PTCSC3: variants seen among roughly 807,000 people sequenced by gnomAD.
PTCSC3 encodes papillary thyroid carcinoma susceptibility candidate 3, also known as papillary thyroid carcinoma susceptibility candidate 3 (non-protein coding).
intron 3 of PTCSC3, among the ~76,000 whole-genome samples, chr14:36,147,939 C>A (rs7151660): frequency 9.1e-4 from 138 of 152,172 alleles, no homozygotes; most frequent in Admixed American, 2.7e-3. Flanking sequence ...TGTCAGTGTG[C>A]CCCTGCTCGG....
At chr14:36,167,391 C>T (rs1882110108) in intron 1 of PTCSC3, among the ~76,000 whole-genome samples, 1 of 152,124 alleles carries the variant, frequency 6.6e-6, no homozygotes, top group Non-Finnish European at 1.5e-5. Flanking sequence ...TTATAAACAG[C>T]TTATTCTAAC....
rs112393452 is a variant in PTCSC3, at chr14:36,174,930, C to T, written n.171+1368G>A. 2.3e-3 allele frequency among the ~76,000 whole-genome samples: 353 copies of T among 152,314 alleles called. 3 individuals carry two copies. The highest frequency in any genetic ancestry group is 8.0e-3 in the African/African-American group (331 of 41,562). On this transcript the variant is annotated intron_variant and non_coding_transcript_variant, in intron 1 of 3. Transcript: ENST00000556013. ...CTCTGACATCTCTGCCACTGCTTTT[C>T]CCCAAGCACTGCTCAACCTCTAGAA...
intron 3 of PTCSC3, among the ~76,000 whole-genome samples, chr14:36,152,108 A>G (rs911317023): frequency 1.5e-4 from 23 of 152,158 alleles, no homozygotes; most frequent in African/African-American, 9.7e-5. Flanking sequence ...AGTGGAAATC[A>G]TAAGTCTTCT....
chr14:36,172,303 C>A (rs1236332242), intron 1 of PTCSC3, among the ~76,000 whole-genome samples: 2 of 151,956 alleles, frequency 1.3e-5, no homozygotes, highest in African/African-American at 4.8e-5. Context: ...ATCTACTCTG[C>A]CAACTAAAAA....
At chr14:36,171,316 A>G (rs1243647551) in intron 1 of PTCSC3, among the ~76,000 whole-genome samples, 2 of 152,186 alleles carry the variant, frequency 1.3e-5, no homozygotes, top group African/African-American at 2.4e-5. Flanking sequence ...CTAAAATAGC[A>G]TGATATAATA....
intron 1 of PTCSC3, chr14:36,165,255 T>C (rs1882063153): frequency 6.6e-6 from 1 of 152,186 alleles, no homozygotes; most frequent in African/African-American, 2.4e-5. Context: ...GAAAAGACAT[T>C]AGAGGAAGCA....
intron 3 of PTCSC3, among the ~76,000 whole-genome samples, chr14:36,142,121 T>C (rs1033759603): frequency 6.6e-6 from 1 of 152,314 alleles, no homozygotes; most frequent in African/African-American, 2.4e-5. Context: ...AGAAAGCAAC[T>C]AGTTTCCCAC....
chr14:36,149,978 G>A (rs182194299), intron 3 of PTCSC3, among the ~76,000 whole-genome samples: 2 of 152,278 alleles, frequency 1.3e-5, no homozygotes, highest in Admixed American at 6.5e-5. Context: ...TCTCCAGTGA[G>A]CATTTCCTTT....
At chr14:36,168,498 A>C (rs905206857) in intron 1 of PTCSC3, among the ~76,000 whole-genome samples, 3 of 151,454 alleles carry the variant, frequency 2.0e-5, no homozygotes, top group Non-Finnish European at 4.4e-5. Flanking sequence ...GATTCTAGTT[A>C]TGCTGTCTAC....
At chr14:36,144,191 T>G (rs1328105134) in intron 3 of PTCSC3, among the ~76,000 whole-genome samples, 1 of 151,426 alleles carries the variant, frequency 6.6e-6, no homozygotes, top group Non-Finnish European at 1.5e-5. Flanking sequence ...TCCAATTCTG[T>G]GAAGAAAGGC....
chr14:36,144,193 A>G (rs1332406554), intron 3 of PTCSC3, among the ~76,000 whole-genome samples: 1 of 151,200 alleles, frequency 6.6e-6, no homozygotes, highest in African/African-American at 2.4e-5. Flanking sequence ...CAATTCTGTG[A>G]AGAAAGGCAT....
intron 2 of PTCSC3, among the ~76,000 whole-genome samples, chr14:36,159,442 T>C (rs1050178434): frequency 2.0e-5 from 3 of 152,226 alleles, no homozygotes; most frequent in Non-Finnish European, 4.4e-5. Context: ...TTCTGGTACA[T>C]TGTGTCTTTG....
intron 3 of PTCSC3, among the ~76,000 whole-genome samples, chr14:36,146,550 G>A (rs1056694355): frequency 1.3e-5 from 2 of 152,024 alleles, no homozygotes; most frequent in African/African-American, 2.4e-5. Context: ...TTGAGCCTAT[G>A]TGTGTCTCTG....
At chr14:36,143,070 G>T (rs1452781365) in intron 3 of PTCSC3, among the ~76,000 whole-genome samples, 1 of 151,576 alleles carries the variant, frequency 6.6e-6, no homozygotes, top group Non-Finnish European at 1.5e-5. Context: ...TTGGACATTT[G>T]GGTTAGTTCC....
chr14:36,160,557 C>G (rs1304407956), intron 2 of PTCSC3, among the ~76,000 whole-genome samples: 20 of 152,220 alleles, frequency 1.3e-4, no homozygotes, highest in Non-Finnish European at 2.9e-5. Flanking sequence ...GGCCCCCACT[C>G]TCTTCTGGTT....
At chr14:36,170,315 A>G (rs551831165) in intron 1 of PTCSC3, among the ~76,000 whole-genome samples, 28 of 152,242 alleles carry the variant, frequency 1.8e-4, no homozygotes, top group Admixed American at 1.0e-3. Flanking sequence ...AGCAATAAGG[A>G]AAGAATAACC....
chr14:36,147,221 T>A (rs565931700), intron 3 of PTCSC3, among the ~76,000 whole-genome samples: 3 of 152,356 alleles, frequency 2.0e-5, no homozygotes, highest in Admixed American at 1.3e-4. Flanking sequence ...CCTTGCTAGA[T>A]TGGGGAAGTT....
intron 3 of PTCSC3, among the ~76,000 whole-genome samples, chr14:36,150,949 C>T (rs1048432596): frequency 1.4e-5 from 2 of 144,464 alleles, no homozygotes; most frequent in African/African-American, 5.0e-5. Flanking sequence ...TTTAAAAAAA[C>T]CTTCCTTTAT....
intron 1 of PTCSC3, among the ~76,000 whole-genome samples, chr14:36,171,905 C>T (rs1211979821): frequency 3.9e-5 from 6 of 152,134 alleles, no homozygotes; most frequent in African/African-American, 1.4e-4. Context: ...GTTCTGCAAA[C>T]ATGGGTTATT....
Sources: gnomAD v4.1 joint callset for allele counts (sites outside exome capture counted in the v4.1 genomes callset) on GRCh38, gnomAD v4.1.1 for gene constraint, MANE v1.5 for transcripts, NCBI Gene and HGNC (gene_info 2026-07-23, HGNC 2026-07-21) for gene names.